The following ACP6 variants were observed in gnomAD, a reference collection of about 807,000 sequenced individuals.
ACP6 encodes lysophosphatidic acid phosphatase type 6.
In ACP6, 48 loss-of-function variants were observed where a neutral mutation model predicts 48.1. The ratio of observed to expected loss-of-function variants is 1.00; its 90% CI spans 0.79 to 1.27. The LOEUF (loss-of-function observed/expected upper bound fraction) is 1.27, where lower values mean the gene tolerates loss of function less well. Ranked by LOEUF, ACP6 falls within the 50% of genes most tolerant of loss-of-function variation. The pLI is 0.00. For synonymous variants in ACP6, 172 were observed against 204.2 expected (o/e 0.84, Z 1.34); for missense variants, 485 against 529.1 (o/e 0.92, Z 0.82).
chr1:147,649,918 G>C, intron 8 of ACP6: 1 of 519,962 alleles, frequency 1.9e-6, no homozygotes, highest in South Asian at 2.7e-5. Flanking sequence ...ATAAAAAAAA[G>C]AGAGAGAGAA....
chr1:147,665,156 C>T (rs1183522577), intron 1 of ACP6, among the ~76,000 whole-genome samples: 2 of 152,166 alleles, frequency 1.3e-5, no homozygotes, highest in Admixed American at 1.3e-4. Context: ...GAGGGAATCC[C>T]ACAGCCCCAG....
At chr1:147,632,013 T>A (rs779573458) in intron 5 of ACP6, among the ~76,000 whole-genome samples, 2 of 152,058 alleles carry the variant, frequency 1.3e-5, no homozygotes, top group Non-Finnish European at 2.9e-5. Context: ...AATTTCAGTA[T>A]CTCCAGCGTG....
At chr1:147,634,940 C>T (rs1659258561) in intron 5 of ACP6, among the ~76,000 whole-genome samples, 1 of 152,196 alleles carries the variant, frequency 6.6e-6, no homozygotes, top group Admixed American at 6.5e-5. Context: ...AATCTTCTAT[C>T]TACTGGTCTG....
intron 3 of ACP6, 86 bp downstream of exon 3, chr1:147,659,310 G>C: frequency 6.5e-7 from 1 of 1,538,712 alleles, no homozygotes; most frequent in Non-Finnish European, 8.8e-7. Flanking sequence ...TTGGGTGACA[G>C]TGGGAACCAT....
downstream of ACP6, among the ~76,000 whole-genome samples, chr1:147,637,366 T>C (rs1222239163): frequency 2.0e-5 from 3 of 152,220 alleles, no homozygotes; most frequent in Admixed American, 2.0e-4. Context: ...GTTTTCCTTA[T>C]GTTGATCTCA....
In ACP6 at chr1:147,669,987, G is replaced by A; in HGVS notation, c.62C>T (p.Ala21Val). The A allele has an allele frequency of 1.9e-6, 3 of 1,548,644 alleles. No homozygotes were observed. The highest frequency in any genetic ancestry group is 2.6e-6 in the Non-Finnish European group (3 of 1,146,106). ...CACCCGCCGCTGGTGCAGGCAGTAC[G>A]CCAGCGAGGTCAGGACGCCCACTGG... ...WTPVGVLTSL[A>V]YCLHQRRVAL... The change falls in exon 1 of 10, where the codon GCG (alanine) becomes GTG (valine). Residue 21 changes from alanine (A) to valine (V), a missense_variant. Transcript: ENST00000583509.
chr1:147,648,809 G>C (rs79413757), intron 8 of ACP6, among the ~76,000 whole-genome samples: 2 of 152,284 alleles, frequency 1.3e-5, no homozygotes, highest in African/African-American at 4.8e-5. Flanking sequence ...GGGGAAGCTT[G>C]AAGTTTTGGG....
At chr1:147,632,382 T>A (rs1360585620) in intron 5 of ACP6, among the ~76,000 whole-genome samples, 1 of 152,034 alleles carries the variant, frequency 6.6e-6, no homozygotes, top group Non-Finnish European at 1.5e-5. Context: ...AGTAAATAGC[T>A]GTTAAATAAA....
intron 9 of ACP6, chr1:147,647,889 G>A (rs868928015): frequency 6.2e-6 from 3 of 481,362 alleles, no homozygotes; most frequent in Non-Finnish European, 7.4e-6. Flanking sequence ...CCAACACCAC[G>A]GGTGCTAACA....
At chr1:147,634,934 TTCTA>T (rs1430292067) in intron 5 of ACP6, among the ~76,000 whole-genome samples, 1 of 152,200 alleles carries the variant, frequency 6.6e-6, no homozygotes, top group Non-Finnish European at 1.5e-5. Flanking sequence ...CCTGAGAATC[TTCTA>T]TCTACTGGTC....
chr1:147,670,303 C>T lies in ACP6; in HGVS notation c.-255G>A, dbSNP rs1661034600. 2 of 425,324 alleles carry T rather than the reference C, an allele frequency of 4.7e-6. No homozygotes were observed. Among genetic ancestry groups the T allele is most frequent in the South Asian group, 9.9e-5 (2 of 20,260 alleles). The allele number at this position is 425,324 out of a possible 1,614,324, so 26.3% of individuals were successfully genotyped here. A position where few individuals can be genotyped will look rare whatever the true frequency, so the allele number is the denominator to read the frequency against. On this transcript the variant is annotated 5_prime_UTR_variant, in exon 1 of 10. Transcript: ENST00000583509. ...TAACCCGGGTCGGGGTTGGTCGCTC[C>T]TGCTGCACACCGGGCCGGGGGAGAT...
chr1:147,650,289 G>T (rs377754599), intron 7 of ACP6, 51 bp from the exon 8 acceptor site: 26 of 1,376,932 alleles, frequency 1.9e-5, no homozygotes, highest in Non-Finnish European at 2.6e-5. Context: ...CAGCATTCAG[G>T]GGACACAGAC....
At chr1:147,661,975 G>T (rs1368265303) in intron 1 of ACP6, among the ~76,000 whole-genome samples, 2 of 152,192 alleles carry the variant, frequency 1.3e-5, no homozygotes, top group Non-Finnish European at 2.9e-5. Flanking sequence ...TGAAGCCAAG[G>T]CTCATTTACT....
At position 147,650,140 on chromosome 1, in the gene ACP6, T is replaced by C. The variant is rs1659839778; in HGVS notation, c.977+3A>G. 6.2e-7 allele frequency: 1 copy of C among 1,605,660 alleles called. No individual in the cohort carries two copies. The highest frequency in any genetic ancestry group is 8.5e-7 in the Non-Finnish European group (1 of 1,176,300). ...CACAAAGCAGAGTTGCTGTGCCAGG[T>C]ACCTGATCTTGTCGGGGGCAGTGGC... On this transcript the variant is annotated splice_donor_region_variant and intron_variant, in intron 8 of 9. Transcript: ENST00000583509.
At chr1:147,641,207 A>G (rs782268831), downstream of ACP6, among the ~76,000 whole-genome samples, 283 of 152,190 alleles carry the variant, frequency 1.9e-3, no homozygotes, top group Non-Finnish European at 4.1e-4. Context: ...TGAGTTTCCT[A>G]CAATGAAAAT....
At chr1:147,668,412 C>T (rs999332542) in intron 1 of ACP6, among the ~76,000 whole-genome samples, 10 of 132,546 alleles carry the variant, frequency 7.5e-5, no homozygotes, top group African/African-American at 3.4e-4. Context: ...CTAGTGCCTT[C>T]AGGATATATA....
intron 4 of ACP6, among the ~76,000 whole-genome samples, chr1:147,658,518 T>C (rs1660368002): frequency 6.6e-6 from 1 of 152,234 alleles, no homozygotes; most frequent in South Asian, 2.1e-4. Context: ...CCAAACTCGA[T>C]GGACTTTCTC....
intron 4 of ACP6, among the ~76,000 whole-genome samples, chr1:147,658,690 G>C (rs1255548555): frequency 6.6e-6 from 1 of 152,180 alleles, no homozygotes; most frequent in African/African-American, 2.4e-5. Context: ...GGACTGCCTT[G>C]TGCAGCTTGT....
rs1221267523 is a variant in ACP6, at chr1:147,646,490, C to T, written c.*933G>A. ...GAGAGGCTTTTGTGGTTGCTGTTTT[C>T]TCTGAGAGGTAAAGGGACTGGTGGT... On this transcript the variant is annotated 3_prime_UTR_variant, in exon 10 of 10. Coordinates refer to ENST00000583509, the MANE Select transcript of ACP6 (RefSeq NM_016361.5). 1 of 152,154 alleles carries T rather than the reference C, an allele frequency of 6.6e-6. No individual in the cohort carries two copies. Among genetic ancestry groups the T allele is most frequent in the Non-Finnish European group, 1.5e-5 (1 of 68,044 alleles). The allele number at this position is 152,154 out of a possible 1,614,324, so 9.4% of individuals were successfully genotyped here. A position where few individuals can be genotyped will look rare whatever the true frequency, so the allele number is the denominator to read the frequency against.
Sources: gnomAD v4.1 joint callset for allele counts (sites outside exome capture counted in the v4.1 genomes callset) on GRCh38, gnomAD v4.1.1 for gene constraint, MANE v1.5 for transcripts, NCBI Gene and HGNC (gene_info 2026-07-23, HGNC 2026-07-21) for gene names.